Variants in NHS observed in about 807,000 individuals in gnomAD.
The protein encoded by NHS is actin remodeling regulator NHS.
A neutral mutation model predicts 72.5 loss-of-function variants in NHS; 5 were observed. The ratio of observed to expected loss-of-function variants is 0.07; its 90% CI spans 0.04 to 0.14. The LOEUF is 0.14. Among genes scored for constraint, NHS ranks in the 10% least tolerant of loss-of-function variants. NHS has a pLI of 1.00. For missense variants in NHS, 1,072 were observed against 1,355.7 expected, an observed-to-expected ratio of 0.79 and a Z score of 3.29; for synonymous variants, 464 against 547.7, an observed-to-expected ratio of 0.85 and a Z score of 2.13.
At chrX:17,585,444 G>T (rs1418847914) in intron 1 of NHS, among the ~76,000 whole-genome samples, 3 of 111,906 alleles carry the variant, frequency 2.7e-5, no homozygotes, top group Non-Finnish European at 5.6e-5. Flanking sequence ...AATGAGCAGT[G>T]TTTTGCCAGC....
At chrX:17,713,850 G>C (rs1213571338) in intron 3 of NHS, among the ~76,000 whole-genome samples, 1 of 111,930 alleles carries the variant, frequency 8.9e-6, no homozygotes, top group Non-Finnish European at 1.9e-5. Context: ...CATTTATTTG[G>C]CTGCTTTTGA....
In NHS at chrX:17,687,762, G is replaced by C. The variant is rs1469217147; in HGVS notation, c.586G>C (p.Glu196Gln). Residue 196 changes from glutamate to glutamine, a missense_variant, in exon 2 of 9, where the codon GAG (glutamate) becomes CAG (glutamine). Transcript: ENST00000676302. Reference protein sequence around the residue: ...EAVPVSNLDIESKLSVYYRAP... With the variant: ...EAVPVSNLDIQSKLSVYYRAP... The stretch of plus-strand genomic sequence containing the variant: ...TGCAGCCGTCTCCAACCTGGACATA[G>C]AGAGTAAGCTGAGTGTGTACTACCG... 1.7e-6 allele frequency: 2 copies of C among 1,210,244 alleles called. No homozygotes were observed. Among genetic ancestry groups the C allele is most frequent in the African/African-American group, 1.7e-5 (1 of 57,163 alleles).
At chrX:17,514,701 G>T (rs1235337304) in intron 1 of NHS, among the ~76,000 whole-genome samples, 3 of 111,802 alleles carry the variant, frequency 2.7e-5, no homozygotes, top group Non-Finnish European at 5.6e-5. Flanking sequence ...ATACACCAGG[G>T]ATGCTGCTAA....
At chrX:17,481,344 C>A (rs1360783247) in intron 1 of NHS, among the ~76,000 whole-genome samples, 1 of 111,856 alleles carries the variant, frequency 8.9e-6, no homozygotes, top group Non-Finnish European at 1.9e-5. Context: ...GACTTTTTTT[C>A]TTCTCCTCTT....
chrX:17,422,782 T>C, intron 1 of NHS, among the ~76,000 whole-genome samples: 1 of 112,199 alleles, frequency 8.9e-6, no homozygotes, highest in Admixed American at 9.5e-5. Context: ...GAAGAACCTA[T>C]GAGACACTTT....
At chrX:17,664,426 G>C (rs1176115091) in intron 1 of NHS, among the ~76,000 whole-genome samples, 1 of 111,877 alleles carries the variant, frequency 8.9e-6, no homozygotes, top group African/African-American at 3.3e-5. Flanking sequence ...AGTTGTTCCA[G>C]AACCATTTGT....
intron 1 of NHS, among the ~76,000 whole-genome samples, chrX:17,610,618 T>C (rs973140644): frequency 1.8e-5 from 2 of 111,982 alleles, no homozygotes; most frequent in African/African-American, 6.5e-5. Context: ...TGTGGCCACA[T>C]TGCTTCTTGA....
At chrX:17,612,206 G>T (rs5955625) in intron 1 of NHS, among the ~76,000 whole-genome samples, 19,695 of 91,794 alleles carry the variant, frequency 0.21, 3,806 homozygotes, top group African/African-American at 0.69. Flanking sequence ...TTTTTTTTTT[G>T]GGCAGGGCCA....
At chrX:17,602,818 A>C in intron 1 of NHS, among the ~76,000 whole-genome samples, 1 of 102,083 alleles carries the variant, frequency 9.8e-6, no homozygotes, top group East Asian at 3.0e-4. Context: ...GTGGATATTT[A>C]TGGGGCACAA....
At chrX:17,477,177 G>A (rs1032333500) in intron 1 of NHS, among the ~76,000 whole-genome samples, 17 of 111,744 alleles carry the variant, frequency 1.5e-4, no homozygotes, top group African/African-American at 5.2e-4. Context: ...GAAAAATAAA[G>A]GTGGGGAATA....
intron 1 of NHS, among the ~76,000 whole-genome samples, chrX:17,624,801 G>A (rs2065789783): frequency 8.9e-6 from 1 of 112,557 alleles, no homozygotes; most frequent in Non-Finnish European, 1.9e-5. Context: ...TGGTTGTGGT[G>A]GGAAATGGTC....
chrX:17,443,744 C>A (rs1163141929), intron 1 of NHS, among the ~76,000 whole-genome samples: 1 of 112,202 alleles, frequency 8.9e-6, no homozygotes, highest in Non-Finnish European at 1.9e-5. Context: ...GTGATTGAAA[C>A]CACATTTTTA....
chrX:17,505,586 C>G (rs763251140), intron 1 of NHS, among the ~76,000 whole-genome samples: 1 of 108,808 alleles, frequency 9.2e-6, no homozygotes, highest in East Asian at 2.9e-4. Context: ...ATTACGCCTT[C>G]TTATTTAATC....
intron 1 of NHS, among the ~76,000 whole-genome samples, chrX:17,513,506 A>C (rs2065100857): frequency 8.9e-6 from 1 of 112,521 alleles, no homozygotes; most frequent in Non-Finnish European, 1.9e-5. Context: ...CAGATCAACC[A>C]CATCAGAATC....
chrX:17,691,010 C>A (rs1216705128), intron 2 of NHS, among the ~76,000 whole-genome samples: 2 of 111,838 alleles, frequency 1.8e-5, no homozygotes, highest in African/African-American at 6.5e-5. Flanking sequence ...GATTCCACTG[C>A]AGTTTCAGGC....
intron 1 of NHS, among the ~76,000 whole-genome samples, chrX:17,564,233 C>G (rs2065430051): frequency 9.0e-6 from 1 of 111,694 alleles, no homozygotes; most frequent in African/African-American, 3.3e-5. Flanking sequence ...AGGTCTTGGC[C>G]TTGGTACTCA....
chrX:17,624,190 A>G (rs1399170926), intron 1 of NHS, among the ~76,000 whole-genome samples: 1 of 112,758 alleles, frequency 8.9e-6, no homozygotes, highest in African/African-American at 3.2e-5. Flanking sequence ...ACTATTATTT[A>G]TTTCTCACAA....
chrX:17,476,953 C>T (rs1378171217), intron 1 of NHS, among the ~76,000 whole-genome samples: 1 of 112,170 alleles, frequency 8.9e-6, no homozygotes, highest in Non-Finnish European at 1.9e-5. Flanking sequence ...ACAGTGTCTG[C>T]TATGGTAGCC....
At chrX:17,582,856 C>T (rs1204012148) in intron 1 of NHS, among the ~76,000 whole-genome samples, 1 of 112,461 alleles carries the variant, frequency 8.9e-6, no homozygotes, top group African/African-American at 3.2e-5. Flanking sequence ...CATACCCATA[C>T]ACATATGCAC....
Sources: allele counts gnomAD v4.1 joint callset (sites outside exome capture counted in the v4.1 genomes callset), GRCh38; gene constraint gnomAD v4.1.1; transcripts MANE v1.5; gene names NCBI Gene and HGNC (gene_info 2026-07-23, HGNC 2026-07-21).